Variants in CHN1 observed in about 807,000 individuals in gnomAD.
CHN1 encodes the protein N-chimaerin.
A neutral mutation model predicts 59.5 loss-of-function variants in CHN1; 37 were observed. The ratio of observed to expected loss-of-function variants is 0.62; its 90% CI spans 0.48 to 0.82. CHN1 has a LOEUF of 0.82. CHN1 is among the 40% of genes least tolerant of loss of function. CHN1 has a pLI of 0.00. For synonymous variants in CHN1, 206 were observed against 200.4 expected (o/e 1.03, Z -0.24); for missense variants, 469 against 571.0 (o/e 0.82, Z 1.82).
At position 174,989,656 on chromosome 2, in the gene CHN1, G is replaced by A. The variant is rs188387146; in HGVS notation, c.19+15238C>T. Among the ~76,000 whole-genome samples the A allele has an allele frequency of 1.7e-3, 255 of 152,142 alleles. 2 individuals are homozygous for A. Among genetic ancestry groups the A allele is most frequent in the Non-Finnish European group, 2.3e-3 (155 of 68,002 alleles). On this transcript the variant is annotated intron_variant, in intron 1 of 12. Coordinates refer to ENST00000409900, the MANE Select transcript of CHN1 (RefSeq NM_001822.7). ...TATTTAAAAATTAGCTGGGCATGGTGGCTCGCACCTGTGGTCTCAGCTACT... is the reference window on the plus strand; with the variant it reads ...TATTTAAAAATTAGCTGGGCATGGTAGCTCGCACCTGTGGTCTCAGCTACT...
chr2:174,957,356 C>G (rs139741284), intron 1 of CHN1, among the ~76,000 whole-genome samples: 8 of 149,000 alleles, frequency 5.4e-5, no homozygotes, highest in African/African-American at 1.7e-4. Context: ...TTGGCCACAG[C>G]CGGGAACAGG....
intron 3 of CHN1, among the ~76,000 whole-genome samples, chr2:174,935,206 G>A (rs904728722): frequency 1.3e-5 from 2 of 152,172 alleles, no homozygotes; most frequent in African/African-American, 4.8e-5. Flanking sequence ...CCAACTCTGC[G>A]CTTCTGCACT....
At chr2:174,870,274 A>G (rs1208344523) in intron 6 of CHN1, among the ~76,000 whole-genome samples, 1 of 152,204 alleles carries the variant, frequency 6.6e-6, no homozygotes, top group Non-Finnish European at 1.5e-5. Context: ...TTTCCTGTTG[A>G]AAGAATCCCG....
chr2:174,832,154 A>T (rs1166340231), intron 7 of CHN1, among the ~76,000 whole-genome samples: 1 of 152,114 alleles, frequency 6.6e-6, no homozygotes, highest in East Asian at 1.9e-4. Flanking sequence ...TACTGTTAAC[A>T]TATATTACAA....
chr2:174,869,026 G>C (rs1400208601), intron 6 of CHN1, among the ~76,000 whole-genome samples: 1 of 152,166 alleles, frequency 6.6e-6, no homozygotes, highest in African/African-American at 2.4e-5. Flanking sequence ...CCTGCTGGGG[G>C]ACCTGTTCAG....
At chr2:174,968,941 A>G (rs958446127) in intron 1 of CHN1, among the ~76,000 whole-genome samples, 2 of 152,228 alleles carry the variant, frequency 1.3e-5, no homozygotes, top group South Asian at 4.1e-4. Flanking sequence ...ATGTAAGAAT[A>G]TTTAGTCTTT....
chr2:174,947,600 G>A (rs780639757), intron 2 of CHN1, among the ~76,000 whole-genome samples: 10 of 150,026 alleles, frequency 6.7e-5, no homozygotes, highest in Non-Finnish European at 1.3e-4. Context: ...GCCTTATGCC[G>A]CAGAACCCAA....
At chr2:174,808,266 T>C (rs1419753526) in intron 11 of CHN1, among the ~76,000 whole-genome samples, 3 of 152,152 alleles carry the variant, frequency 2.0e-5, no homozygotes, top group South Asian at 4.1e-4. Flanking sequence ...TAATAAAAGA[T>C]AGTTGGTTTT....
chr2:174,937,228 C>A (rs1251799231), intron 3 of CHN1, among the ~76,000 whole-genome samples: 1 of 152,080 alleles, frequency 6.6e-6, no homozygotes, highest in African/African-American at 2.4e-5. Flanking sequence ...GAATTCATCA[C>A]CAAAACAAGG....
intron 1 of CHN1, among the ~76,000 whole-genome samples, chr2:174,969,219 C>G (rs902527089): frequency 1.6e-4 from 25 of 152,298 alleles, no homozygotes; most frequent in African/African-American, 5.8e-4. Flanking sequence ...CTGCTGCGTT[C>G]TCTCCAATGA....
intron 7 of CHN1, among the ~76,000 whole-genome samples, chr2:174,835,498 G>T (rs1686043482): frequency 6.7e-6 from 1 of 149,882 alleles, no homozygotes; most frequent in African/African-American, 2.5e-5. Flanking sequence ...TCCCATCACT[G>T]TTCCTTCTGT....
intron 1 of CHN1, among the ~76,000 whole-genome samples, chr2:174,992,739 C>G (rs888741283): frequency 2.0e-5 from 3 of 152,212 alleles, no homozygotes; most frequent in African/African-American, 4.8e-5. Flanking sequence ...CTGCATAGCC[C>G]AGTTTTACCA....
At chr2:175,003,328 T>C (rs1247070000) in intron 1 of CHN1, among the ~76,000 whole-genome samples, 1 of 152,220 alleles carries the variant, frequency 6.6e-6, no homozygotes, top group Non-Finnish European at 1.5e-5. Context: ...AGGCTGGGAG[T>C]GATTTCTTAT....
intron 8 of CHN1, among the ~76,000 whole-genome samples, chr2:174,822,533 G>A (rs1394851788): frequency 6.6e-6 from 1 of 152,112 alleles, no homozygotes; most frequent in Non-Finnish European, 1.5e-5. Flanking sequence ...ACTCATGAAA[G>A]AAAAGCTTTT....
At position 174,799,500 on chromosome 2, in the gene CHN1, G is replaced by A. The variant is rs935474475; in HGVS notation, c.*616C>T. ...ATAATTTAACAGAAAATGCTGTGTT[G>A]TACACTTTTTATTGGTATGGATAAC... On this transcript the variant is annotated 3_prime_UTR_variant, in exon 13 of 13. Coordinates refer to ENST00000409900, the MANE Select transcript of CHN1 (RefSeq NM_001822.7). 1.6e-5 allele frequency: 8 copies of A among 513,512 alleles called. No homozygotes were observed. Among genetic ancestry groups the A allele is most frequent in the African/African-American group, 1.3e-4 (7 of 52,670 alleles). The allele number at this position is 513,512 out of a possible 1,614,324, so 31.8% of individuals were successfully genotyped here. A position where few individuals can be genotyped will look rare whatever the true frequency, so the allele number is the denominator to read the frequency against.
At chr2:174,929,603 G>T (rs4972733) in intron 3 of CHN1, among the ~76,000 whole-genome samples, 37,291 of 151,826 alleles carry the variant, frequency 0.25, 5,668 homozygotes, top group Middle Eastern at 0.35. Flanking sequence ...AAATATTTGA[G>T]AAAACCCTTT....
At chr2:174,931,878 G>A (rs895298601) in intron 3 of CHN1, among the ~76,000 whole-genome samples, 2 of 152,186 alleles carry the variant, frequency 1.3e-5, no homozygotes, top group Non-Finnish European at 2.9e-5. Context: ...CACACCTGCT[G>A]TATCTGAGAA....
intron 7 of CHN1, among the ~76,000 whole-genome samples, chr2:174,837,800 C>A (rs1190474852): frequency 5.3e-5 from 8 of 152,106 alleles, no homozygotes; most frequent in African/African-American, 1.9e-4. Context: ...AAAAGAAAAA[C>A]CATTGCTTGT....
rs184643879 is a variant in CHN1, at chr2:174,818,037, T to G, written c.713-5555A>C. The stretch of plus-strand genomic sequence containing the variant: ...GTCCACCTGTCTTGGCCTCCCAAAG[T>G]GCTGGGATTATAGGCGTGAGTTACC... On this transcript the variant is annotated intron_variant, in intron 8 of 12. Transcript: ENST00000409900. 2.6e-5 allele frequency among the ~76,000 whole-genome samples: 4 copies of G among 152,280 alleles called. No individual in the cohort carries two copies. In the East Asian group the frequency reaches 7.7e-4, roughly 29 times the overall value.
Sources: allele counts gnomAD v4.1 joint callset (sites outside exome capture counted in the v4.1 genomes callset), GRCh38; gene constraint gnomAD v4.1.1; transcripts MANE v1.5; gene names NCBI Gene and HGNC (gene_info 2026-07-23, HGNC 2026-07-21).